The following PCDH15 variants were observed in gnomAD, a reference collection of about 807,000 sequenced individuals.
The protein encoded by PCDH15 is protocadherin-15.
Under a neutral mutation model 178.5 loss-of-function variants are expected in PCDH15, and 129 were observed. The ratio of observed to expected loss-of-function variants is 0.72; its 90% CI spans 0.63 to 0.84. The LOEUF is 0.84. Ranked by LOEUF, PCDH15 falls within the 40% of genes least tolerant of loss-of-function variation. The pLI is 0.00. For missense variants in PCDH15, 2,230 were observed against 2,099.9 expected (o/e 1.06, Z -1.21); for synonymous variants, 800 against 732.0 (o/e 1.09, Z -1.50).
chr10:55,150,064 G>A (rs12249682), intron 2 of PCDH15, among the ~76,000 whole-genome samples: 2 of 108,990 alleles, frequency 1.8e-5, no homozygotes, highest in Admixed American at 1.7e-4. Flanking sequence ...GAAGTGAAGA[G>A]GAGAGGAGGG....
At chr10:54,309,412 G>C (rs1309631838) in intron 8 of PCDH15, among the ~76,000 whole-genome samples, 1 of 151,634 alleles carries the variant, frequency 6.6e-6, no homozygotes. Flanking sequence ...GAGGACAAGA[G>C]CCATGATTAT....
rs535954615 is a variant in PCDH15 at position 54,535,992 on chromosome 10, C to T, written c.92-8115G>A. Among the ~76,000 whole-genome samples, 83 of 152,208 alleles carry T rather than the reference C, an allele frequency of 5.5e-4. 1 individual carries two copies. In the South Asian group the frequency reaches 0.017, roughly 31 times the overall value. On this transcript the variant is annotated intron_variant, in intron 2 of 37. Coordinates refer to ENST00000644397, the MANE Select transcript of PCDH15 (RefSeq NM_001384140.1). ...TAGGTTTTCCTTCCATTGTGGGTTA[C>T]AACTCTTCTTTTCTTGTCTAAGCTT...
At chr10:54,334,430 T>A (rs1366539434) in intron 6 of PCDH15, among the ~76,000 whole-genome samples, 1 of 152,158 alleles carries the variant, frequency 6.6e-6, no homozygotes, top group Non-Finnish European at 1.5e-5. Context: ...TAATATGGGT[T>A]TGCACCAGTT....
intron 2 of PCDH15, among the ~76,000 whole-genome samples, chr10:55,359,641 T>C (rs1845173833): frequency 6.7e-6 from 1 of 150,208 alleles, no homozygotes; most frequent in African/African-American, 2.5e-5. Context: ...CCATGTTTAT[T>C]CAGCATTATT....
intron 1 of PCDH15, among the ~76,000 whole-genome samples, chr10:55,182,318 T>C (rs1839671702): frequency 6.6e-6 from 1 of 151,976 alleles, no homozygotes; most frequent in Non-Finnish European, 1.5e-5. Context: ...TCTATCCTAC[T>C]TTTCTGTATC....
rs755180824 is a variant in PCDH15, at chr10:54,812,047, CTTAA to C, written c.-29+85399_-29+85402del. Among the ~76,000 whole-genome samples the C allele has an allele frequency of 4.9e-4, 74 of 152,026 alleles. 1 individual carries two copies. The highest frequency in any genetic ancestry group is 8.5e-4 in the Non-Finnish European group (58 of 67,986). On this transcript the variant is annotated intron_variant, in intron 3 of 5. Coordinates refer to the PCDH15 transcript ENST00000458638. ...AAAGAATAAGTGCATCTCCATAATTCTTAATTAATCAACATATTAAGCTAAGTAA... is the reference window on the plus strand; with the variant it reads ...AAAGAATAAGTGCATCTCCATAATTCTTAATCAACATATTAAGCTAAGTAA...
intron 2 of PCDH15, among the ~76,000 whole-genome samples, chr10:55,086,938 C>T (rs1842185694): frequency 6.6e-6 from 1 of 151,910 alleles, no homozygotes; most frequent in South Asian, 2.1e-4. Flanking sequence ...GATAAAGAGA[C>T]GTTGTGTTAG....
intron 2 of PCDH15, among the ~76,000 whole-genome samples, chr10:54,611,980 C>A (rs1032316378): frequency 2.0e-5 from 3 of 151,764 alleles, no homozygotes; most frequent in Admixed American, 2.0e-4. Flanking sequence ...AAAACAAACA[C>A]AACACTGAAG....
At chr10:54,735,671 G>A (rs1591360886) in intron 1 of PCDH15, among the ~76,000 whole-genome samples, 1 of 123,250 alleles carries the variant, frequency 8.1e-6, no homozygotes, top group African/African-American at 3.0e-5. Flanking sequence ...ATACACCATG[G>A]AATACTATGC....
At chr10:55,395,114 G>T (rs575423989) in intron 2 of PCDH15, among the ~76,000 whole-genome samples, 1 of 150,630 alleles carries the variant, frequency 6.6e-6, no homozygotes, top group East Asian at 2.0e-4. Context: ...TCCTTATTTG[G>T]TCATGACTTT....
At chr10:54,854,134 C>T (rs1412889832) in intron 3 of PCDH15, among the ~76,000 whole-genome samples, 1 of 152,174 alleles carries the variant, frequency 6.6e-6, no homozygotes, top group Non-Finnish European at 1.5e-5. Flanking sequence ...CTGATGCTAA[C>T]ATAGGCACTG....
At chr10:55,429,137 T>C (rs1426916532) in intron 2 of PCDH15, among the ~76,000 whole-genome samples, 2 of 152,086 alleles carry the variant, frequency 1.3e-5, no homozygotes, top group Non-Finnish European at 2.9e-5. Flanking sequence ...ATGTGAAAAA[T>C]CTGACATATT....
At chr10:55,144,570 C>A (rs1300223719) in intron 2 of PCDH15, among the ~76,000 whole-genome samples, 1 of 151,998 alleles carries the variant, frequency 6.6e-6, no homozygotes, top group African/African-American at 2.4e-5. Context: ...TTGAATCAGT[C>A]CACTTGTAAA....
intron 1 of PCDH15, among the ~76,000 whole-genome samples, chr10:55,263,719 T>C (rs1401849516): frequency 7.4e-6 from 1 of 134,602 alleles, no homozygotes; most frequent in African/African-American, 2.5e-5. Flanking sequence ...AACTGTATTT[T>C]TTAATTTATT....
chr10:54,009,687 C>T (rs537471831), intron 20 of PCDH15, among the ~76,000 whole-genome samples: 1 of 152,286 alleles, frequency 6.6e-6, no homozygotes, highest in East Asian at 1.9e-4. Flanking sequence ...AACTGCCCAC[C>T]CTGGGGTGGC....
intron 20 of PCDH15, among the ~76,000 whole-genome samples, chr10:53,997,651 C>T (rs746421654): frequency 6.6e-6 from 1 of 152,146 alleles, no homozygotes; most frequent in South Asian, 2.1e-4. Context: ...GTCAACACAG[C>T]TGTTCACAGT....
chr10:54,062,250 AAAC>A (rs2094040425), intron 18 of PCDH15, among the ~76,000 whole-genome samples: 12 of 109,996 alleles, frequency 1.1e-4, no homozygotes, highest in African/African-American at 4.4e-4. Context: ...AAAAAAAAAA[AAAC>A]AAAAAACAAC....
At chr10:54,763,707 A>T (rs1190410251) in intron 1 of PCDH15, among the ~76,000 whole-genome samples, 1 of 150,050 alleles carries the variant, frequency 6.7e-6, no homozygotes, top group Admixed American at 6.7e-5. Flanking sequence ...CATGTATCAA[A>T]ATATCACATT....
intron 20 of PCDH15, among the ~76,000 whole-genome samples, chr10:54,011,947 GA>G (rs747921716): frequency 2.0e-5 from 3 of 152,140 alleles, no homozygotes; most frequent in Non-Finnish European, 4.4e-5. Flanking sequence ...TGAAATAGTT[GA>G]AATGAAAGAA....
Sources: gnomAD v4.1 joint callset for allele counts (sites outside exome capture counted in the v4.1 genomes callset) on GRCh38, gnomAD v4.1.1 for gene constraint, MANE v1.5 for transcripts, NCBI Gene and HGNC (gene_info 2026-07-23, HGNC 2026-07-21) for gene names.